BICD1: variants seen among roughly 807,000 people sequenced by gnomAD.
BICD1 encodes the protein protein bicaudal D homolog 1.
BICD1 carries 35 observed loss-of-function variants against 92.5 expected under a neutral mutation model. The observed-to-expected ratio is 0.38, with a 90% confidence interval of 0.29 to 0.50. The LOEUF (loss-of-function observed/expected upper bound fraction) is 0.50, where lower values mean the gene tolerates loss of function less well. Ranked by LOEUF, BICD1 falls within the 20% of genes least tolerant of loss-of-function variation. BICD1 has a pLI of 0.93. For synonymous variants in BICD1, 429 were observed against 465.1 expected (o/e 0.92, Z 1.00); for missense variants, 950 against 1,189.8 (o/e 0.80, Z 2.97).
At chr12:32,192,507 T>C (rs1033181282) in intron 1 of BICD1, among the ~76,000 whole-genome samples, 3 of 148,386 alleles carry the variant, frequency 2.0e-5, no homozygotes, top group African/African-American at 7.9e-5. Flanking sequence ...CTATTACTGA[T>C]ATACAGAAAG....
intron 2 of BICD1, among the ~76,000 whole-genome samples, chr12:32,264,215 C>A (rs1032234968): frequency 1.3e-5 from 2 of 152,108 alleles, no homozygotes; most frequent in African/African-American, 4.8e-5. Context: ...CTTGCATGTA[C>A]GGATTCAATA....
Position 32,297,439 on chromosome 12 carries a change from G to A in BICD1, c.579+3293G>A, listed in dbSNP as rs114063619. Among the ~76,000 whole-genome samples the A allele has an allele frequency of 5.5e-3, 841 of 152,060 alleles. 9 individuals are homozygous for A. Among genetic ancestry groups the A allele is most frequent in the African/African-American group, 0.019 (776 of 41,472 alleles). On this transcript the variant is annotated intron_variant, in intron 3 of 9. Transcript: ENST00000652176. ...TTGCCCAGGCTGGACTCAAGTGATC[G>A]CCCACCTCTGCCTCCCAAAGTGCTG...
intron 1 of BICD1, among the ~76,000 whole-genome samples, chr12:32,116,326 G>A (rs1941887403): frequency 6.6e-6 from 1 of 151,650 alleles, no homozygotes; most frequent in Non-Finnish European, 1.5e-5. Context: ...TAGACTTCAG[G>A]GATCTTCCAT....
Position 32,181,186 on chromosome 12 carries a change from G to A in BICD1, c.214-35061G>A, listed in dbSNP as rs370580661. On this transcript the variant is annotated intron_variant, in intron 1 of 9. Coordinates refer to ENST00000652176, the MANE Select transcript of BICD1 (RefSeq NM_001714.4). ...TGTAACCCCAGCAGTTTGGGAGGCCGAGGGGGGTGGATCACTTGAGGTCAG... is the reference window on the plus strand; with the variant it reads ...TGTAACCCCAGCAGTTTGGGAGGCCAAGGGGGGTGGATCACTTGAGGTCAG... 7.4e-4 allele frequency among the ~76,000 whole-genome samples: 112 copies of A among 151,832 alleles called. 2 individuals carry two copies. Among genetic ancestry groups the A allele is most frequent in the East Asian group, 1.9e-3 (10 of 5,168 alleles).
At chr12:32,307,465 A>C (rs1423846518) in intron 4 of BICD1, among the ~76,000 whole-genome samples, 1 of 152,188 alleles carries the variant, frequency 6.6e-6, no homozygotes, top group East Asian at 1.9e-4. Flanking sequence ...ATTTATACAA[A>C]TTGTGGAGCT....
At chr12:32,223,612 A>G (rs1019786604) in intron 2 of BICD1, among the ~76,000 whole-genome samples, 1 of 152,014 alleles carries the variant, frequency 6.6e-6, no homozygotes, top group Non-Finnish European at 1.5e-5. Flanking sequence ...TTCATGTCAG[A>G]AATGAGACTG....
Position 32,342,645 on chromosome 12 carries a change from A to T in BICD1, c.2764+3666A>T, listed in dbSNP as rs542395651. ...TTTTCTATTGAGGACCATTGAAACAATTACCTCAACTAAAAATGAAATCAG... is the reference window on the plus strand; with the variant it reads ...TTTTCTATTGAGGACCATTGAAACATTTACCTCAACTAAAAATGAAATCAG... On this transcript the variant is annotated intron_variant, in intron 8 of 9. Transcript: ENST00000652176. 2.9e-4 allele frequency among the ~76,000 whole-genome samples: 44 copies of T among 152,306 alleles called. No homozygotes were observed. The South Asian group carries it at 8.1e-3, about 28-fold the overall frequency.
intron 1 of BICD1, among the ~76,000 whole-genome samples, chr12:32,185,721 C>T (rs1189232388): frequency 1.3e-5 from 2 of 152,150 alleles, no homozygotes; most frequent in African/African-American, 4.8e-5. Flanking sequence ...GATCTATAGT[C>T]CTTTTATGCT....
chr12:32,117,737 T>TAC (rs1941980242), intron 1 of BICD1, among the ~76,000 whole-genome samples: 5 of 127,848 alleles, frequency 3.9e-5, no homozygotes, highest in Admixed American at 8.0e-5. Context: ...CACACACACA[T>TAC]ATATATATAT....
intron 9 of BICD1, among the ~76,000 whole-genome samples, chr12:32,376,157 C>T (rs1449787333): frequency 3.3e-5 from 5 of 149,562 alleles, no homozygotes; most frequent in African/African-American, 7.4e-5. Context: ...CATCTTGGCT[C>T]GCTGCAACCT....
At chr12:32,231,724 T>G (rs1179970857) in intron 2 of BICD1, among the ~76,000 whole-genome samples, 1 of 150,310 alleles carries the variant, frequency 6.7e-6, no homozygotes. Flanking sequence ...TATCCCCCAA[T>G]GCTATCCTTC....
intron 1 of BICD1, among the ~76,000 whole-genome samples, chr12:32,118,082 ATTTT>A (rs1390479144): frequency 6.9e-6 from 1 of 144,182 alleles, no homozygotes; most frequent in African/African-American, 2.6e-5. Context: ...ATTTTATTTT[ATTTT>A]ATTTATTTTT....
chr12:32,297,515 G>A (rs1947909221), intron 3 of BICD1, among the ~76,000 whole-genome samples: 1 of 152,050 alleles, frequency 6.6e-6, no homozygotes, highest in East Asian at 1.9e-4. Context: ...GAAGTGTTAA[G>A]TACAATATTG....
chr12:32,374,254 T>C (rs1939845643), intron 9 of BICD1, among the ~76,000 whole-genome samples: 1 of 151,910 alleles, frequency 6.6e-6, no homozygotes, highest in African/African-American at 2.4e-5. Flanking sequence ...AAAAGCCATA[T>C]CTTTCTTGTG....
chr12:32,314,900 C>T (rs1220693343), intron 4 of BICD1, among the ~76,000 whole-genome samples: 1 of 152,096 alleles, frequency 6.6e-6, no homozygotes, highest in Non-Finnish European at 1.5e-5. Flanking sequence ...CCCACCTTAG[C>T]CTTCTGAGTA....
intron 3 of BICD1, among the ~76,000 whole-genome samples, chr12:32,304,827 G>A (rs1948168261): frequency 6.6e-6 from 1 of 152,040 alleles, no homozygotes; most frequent in South Asian, 2.1e-4. Flanking sequence ...AGAGCAGCCT[G>A]GGCAATACAG....
chr12:32,321,889 C>T (rs1948669066), intron 4 of BICD1, among the ~76,000 whole-genome samples: 1 of 152,124 alleles, frequency 6.6e-6, no homozygotes, highest in Non-Finnish European at 1.5e-5. Flanking sequence ...ATCCCAGCTA[C>T]TTGGGAGACT....
chr12:32,351,686 C>G (rs902516171), intron 8 of BICD1, among the ~76,000 whole-genome samples: 1 of 150,816 alleles, frequency 6.6e-6, no homozygotes, highest in Non-Finnish European at 1.5e-5. Flanking sequence ...AGGTGGATCA[C>G]GAGGTCAGGA....
At chr12:32,148,908 T>C (rs577790883) in intron 1 of BICD1, among the ~76,000 whole-genome samples, 1 of 151,464 alleles carries the variant, frequency 6.6e-6, no homozygotes, top group South Asian at 2.1e-4. Context: ...TATTCCCAGC[T>C]CCTCAGGAGG....
Sources: allele counts gnomAD v4.1 joint callset (sites outside exome capture counted in the v4.1 genomes callset), GRCh38; gene constraint gnomAD v4.1.1; transcripts MANE v1.5; gene names NCBI Gene and HGNC (gene_info 2026-07-23, HGNC 2026-07-21).